Variants in PLCE1 observed in about 807,000 individuals in gnomAD.
PLCE1 encodes the protein 1-phosphatidylinositol 4,5-bisphosphate phosphodiesterase epsilon-1.
PLCE1 carries 119 observed loss-of-function variants against 242.8 expected under a neutral mutation model. The observed-to-expected ratio is 0.49, with a 90% CI of 0.42 to 0.57. The LOEUF is 0.57. PLCE1 is among the 20% of genes least tolerant of loss of function. The pLI, the probability that PLCE1 is intolerant of heterozygous loss-of-function variation, is 0.00. For synonymous variants in PLCE1, 945 were observed against 1,017.4 expected (o/e 0.93, Z 1.35); for missense variants, 2,441 against 2,788.8 (o/e 0.88, Z 2.81).
intron 2 of PLCE1, among the ~76,000 whole-genome samples, chr10:94,118,889 A>T (rs1358163509): frequency 6.6e-6 from 1 of 152,176 alleles, no homozygotes; most frequent in African/African-American, 2.4e-5. Flanking sequence ...TGCAGTTTTA[A>T]TGCCACGACC....
At chr10:94,106,916 C>CTT (rs1392630685) in intron 2 of PLCE1, among the ~76,000 whole-genome samples, 15 of 110,998 alleles carry the variant, frequency 1.4e-4, no homozygotes, top group South Asian at 4.2e-4. Context: ...TCTTGTTTCT[C>CTT]TCTCTCTCTC....
intron 2 of PLCE1, among the ~76,000 whole-genome samples, chr10:94,066,210 G>A (rs1452288611): frequency 4.6e-5 from 7 of 152,104 alleles, no homozygotes; most frequent in Non-Finnish European, 1.0e-4. Context: ...GGGTGAATGG[G>A]CCCCTCTGAT....
intron 1 of PLCE1, among the ~76,000 whole-genome samples, chr10:93,997,997 A>T (rs1485754421): frequency 6.6e-6 from 1 of 152,216 alleles, no homozygotes; most frequent in Non-Finnish European, 1.5e-5. Flanking sequence ...CAACTGTTAC[A>T]GGCGAGGGCC....
At chr10:94,273,139 C>G (rs1314088328) in intron 18 of PLCE1, among the ~76,000 whole-genome samples, 1 of 152,222 alleles carries the variant, frequency 6.6e-6, no homozygotes, top group East Asian at 1.9e-4. Flanking sequence ...GTTCTTTACA[C>G]TATGTGGACG....
intron 17 of PLCE1, among the ~76,000 whole-genome samples, chr10:94,269,709 G>C (rs1240161712): frequency 1.3e-5 from 2 of 152,162 alleles, no homozygotes; most frequent in Non-Finnish European, 2.9e-5. Flanking sequence ...GTGTCATGCT[G>C]ACAAAGGCCA....
At chr10:94,070,630 A>G (rs1269369849) in intron 2 of PLCE1, among the ~76,000 whole-genome samples, 1 of 152,138 alleles carries the variant, frequency 6.6e-6, no homozygotes, top group African/African-American at 2.4e-5. Context: ...CAGCATGGAG[A>G]TACGCTTTTT....
In PLCE1 at chr10:94,293,642, A is replaced by C. The variant is rs1457134120; in HGVS notation, c.5167+3A>C. 6.2e-7 allele frequency: 1 copy of C among 1,613,486 alleles called. No homozygotes were observed. Among genetic ancestry groups the C allele is most frequent in the South Asian group, 1.1e-5 (1 of 91,068 alleles). ...ATTTAACAAAACATCTGGAAAAAGT[A>C]AAGTCACTTTCTTACAATATCTTTG... On this transcript the variant is annotated splice_donor_region_variant and intron_variant, in intron 23 of 32. Transcript: ENST00000371380.
intron 7 of PLCE1, among the ~76,000 whole-genome samples, chr10:94,242,255 TATC>T (rs1027345839): frequency 2.6e-5 from 4 of 152,172 alleles, no homozygotes; most frequent in Non-Finnish European, 4.4e-5. Flanking sequence ...GAGCATAAAA[TATC>T]ATGTAACCCC....
chr10:94,277,358 A>G (rs1397083227), intron 19 of PLCE1, among the ~76,000 whole-genome samples: 2 of 152,122 alleles, frequency 1.3e-5, no homozygotes, highest in Admixed American at 1.3e-4. Context: ...CATACCTCCA[A>G]CCACAACCTA....
At chr10:94,026,908 C>A (rs1169079708) in intron 1 of PLCE1, among the ~76,000 whole-genome samples, 1 of 152,128 alleles carries the variant, frequency 6.6e-6, no homozygotes, top group Non-Finnish European at 1.5e-5. Context: ...TATTTCAAGG[C>A]ATAGAATAAT....
intron 20 of PLCE1, 58 bp downstream of exon 20, chr10:94,279,969 T>A: frequency 1.3e-6 from 2 of 1,571,782 alleles, no homozygotes; most frequent in Non-Finnish European, 1.8e-6. Flanking sequence ...ATTTGCCACA[T>A]TTTTCTTTCT....
intron 16 of PLCE1, among the ~76,000 whole-genome samples, chr10:94,267,562 T>G (rs557083488): frequency 1.3e-5 from 2 of 152,320 alleles, no homozygotes; most frequent in South Asian, 2.1e-4. Flanking sequence ...TCATCTAGAA[T>G]TTCCAGCCCA....
intron 6 of PLCE1, among the ~76,000 whole-genome samples, chr10:94,234,931 AGG>A (rs2137307538): frequency 6.6e-6 from 1 of 152,306 alleles, no homozygotes; most frequent in Non-Finnish European, 1.5e-5. Context: ...GCTCCCTCCA[AGG>A]TGTTTAAAAA....
chr10:94,014,438 TA>T (rs11396439), intron 1 of PLCE1, among the ~76,000 whole-genome samples: 361 of 142,684 alleles, frequency 2.5e-3, no homozygotes, highest in Non-Finnish European at 2.7e-3. Context: ...ATCCTGTCTT[TA>T]AAAAAAAAAA....
intron 2 of PLCE1, among the ~76,000 whole-genome samples, chr10:94,091,412 C>A (rs1358221751): frequency 1.3e-5 from 2 of 152,114 alleles, no homozygotes; most frequent in Admixed American, 6.5e-5. Flanking sequence ...TATGCCTAAG[C>A]AACACCTGCA....
At chr10:94,305,672 A>T (rs2053176487) in intron 25 of PLCE1, among the ~76,000 whole-genome samples, 2 of 152,172 alleles carry the variant, frequency 1.3e-5, no homozygotes, top group South Asian at 4.1e-4. Flanking sequence ...GGGTAGTTTT[A>T]TCTGTTTACA....
At chr10:94,250,374 C>T (rs1380306595) in intron 8 of PLCE1, among the ~76,000 whole-genome samples, 2 of 151,636 alleles carry the variant, frequency 1.3e-5, no homozygotes, top group South Asian at 2.1e-4. Context: ...TGGTGGTACG[C>T]ACCTGTAATC....
intron 2 of PLCE1, among the ~76,000 whole-genome samples, chr10:94,063,301 G>C (rs572873415): frequency 6.6e-6 from 1 of 152,044 alleles, no homozygotes; most frequent in Non-Finnish European, 1.5e-5. Flanking sequence ...TTACTTTCTC[G>C]TCGCTCTGTT....
intron 2 of PLCE1, among the ~76,000 whole-genome samples, chr10:94,069,125 A>G (rs555205784): frequency 1.3e-5 from 2 of 152,266 alleles, no homozygotes; most frequent in Non-Finnish European, 2.9e-5. Context: ...GTCCTAGCCT[A>G]TGCTATAATT....
Sources: gnomAD v4.1 joint callset for allele counts (sites outside exome capture counted in the v4.1 genomes callset) on GRCh38, gnomAD v4.1.1 for gene constraint, MANE v1.5 for transcripts, NCBI Gene and HGNC (gene_info 2026-07-23, HGNC 2026-07-21) for gene names.